LOC400499: variants seen among roughly 807,000 people sequenced by gnomAD.
At chr16:11,448,503 C>A in the LOC400499 span, among the ~76,000 whole-genome samples, 1 of 151,248 alleles carries the variant, frequency 6.6e-6, no homozygotes, top group Non-Finnish European at 1.5e-5. Flanking sequence ...ACAGCAATAC[C>A]TCGTGTCTGC....
the LOC400499 span, among the ~76,000 whole-genome samples, chr16:11,451,786 G>A: frequency 6.6e-6 from 1 of 152,158 alleles, no homozygotes; most frequent in South Asian, 2.1e-4. Flanking sequence ...TACTGTCTGG[G>A]GAAACTGAGG....
At chr16:11,495,135 G>A in the LOC400499 span, among the ~76,000 whole-genome samples, 1 of 151,964 alleles carries the variant, frequency 6.6e-6, no homozygotes, top group Non-Finnish European at 1.5e-5. Flanking sequence ...CTTGAACCCG[G>A]GAAGCAGAGG....
chr16:11,374,962 C>T, the LOC400499 span, among the ~76,000 whole-genome samples: 897 of 152,216 alleles, frequency 5.9e-3, 4 homozygotes, highest in Non-Finnish European at 8.6e-3. Flanking sequence ...GATCCTCATG[C>T]CTCAGCCTCC....
chr16:11,521,876 G>A, the LOC400499 span: 1 of 398,442 alleles, frequency 2.5e-6, no homozygotes, highest in African/African-American at 2.1e-5. Flanking sequence ...ATTGGAAATT[G>A]GAGGTAAGGG....
At chr16:11,386,213 G>C in the LOC400499 span, among the ~76,000 whole-genome samples, 2 of 152,180 alleles carry the variant, frequency 1.3e-5, no homozygotes, top group African/African-American at 2.4e-5. Context: ...AAGGAGGTCT[G>C]ACCAGTCTAG....
At chr16:11,498,431 G>C in the LOC400499 span, among the ~76,000 whole-genome samples, 1 of 152,112 alleles carries the variant, frequency 6.6e-6, no homozygotes, top group African/African-American at 2.4e-5. Flanking sequence ...GCAGTGAGCC[G>C]AGATTGCGCC....
the LOC400499 span, among the ~76,000 whole-genome samples, chr16:11,477,592 G>A: frequency 1.3e-5 from 2 of 152,234 alleles, no homozygotes; most frequent in Non-Finnish European, 2.9e-5. Context: ...CAGCCACCTC[G>A]TACTGCGGTG....
chr16:11,427,833 C>G, the LOC400499 span, among the ~76,000 whole-genome samples: 3 of 152,178 alleles, frequency 2.0e-5, no homozygotes, highest in East Asian at 5.8e-4. Context: ...ATTGTAAGCA[C>G]ATTTTGAGCT....
the LOC400499 span, among the ~76,000 whole-genome samples, chr16:11,442,971 G>A: frequency 6.6e-6 from 1 of 152,154 alleles, no homozygotes; most frequent in African/African-American, 2.4e-5. Flanking sequence ...AGAAAGGTGG[G>A]TCTCAATGCT....
At chr16:11,380,221 G>A in the LOC400499 span, among the ~76,000 whole-genome samples, 34 of 151,078 alleles carry the variant, frequency 2.3e-4, no homozygotes, top group Non-Finnish European at 4.1e-4. Flanking sequence ...TTTATATGTG[G>A]CCTCAAACTT....
the LOC400499 span, chr16:11,443,307 G>A: frequency 8.2e-6 from 3 of 364,468 alleles, no homozygotes; most frequent in East Asian, 1.8e-4. Flanking sequence ...CTGGGCAACA[G>A]AGCAAGACTC....
chr16:11,496,294 T>C, the LOC400499 span, among the ~76,000 whole-genome samples: 13 of 152,174 alleles, frequency 8.5e-5, no homozygotes, highest in Non-Finnish European at 1.6e-4. Context: ...CTCGAACTCC[T>C]GACCTCAGGT....
the LOC400499 span, among the ~76,000 whole-genome samples, chr16:11,457,863 G>T: frequency 0.42 from 63,645 of 151,960 alleles, 14,013 homozygotes; most frequent in Non-Finnish European, 0.5. Context: ...CACATGCTAC[G>T]ATATGGATGA....
chr16:11,407,236 G>C, the LOC400499 span: 32 of 399,008 alleles, frequency 8.0e-5, no homozygotes, highest in East Asian at 9.3e-4. Flanking sequence ...TGAAATTGTT[G>C]AGACCGGCCT....
the LOC400499 span, among the ~76,000 whole-genome samples, chr16:11,382,067 G>A: frequency 6.6e-6 from 1 of 151,904 alleles, no homozygotes; most frequent in Non-Finnish European, 1.5e-5. Context: ...CTTCATAGTT[G>A]CTGGGATTAC....
chr16:11,512,403 G>C, the LOC400499 span, among the ~76,000 whole-genome samples: 1 of 152,294 alleles, frequency 6.6e-6, no homozygotes, highest in South Asian at 2.1e-4. Flanking sequence ...AGGAGTTTGA[G>C]ACCAGCCTGG....
the LOC400499 span, chr16:11,417,609 G>C: frequency 2.8e-6 from 1 of 360,920 alleles, no homozygotes; most frequent in Non-Finnish European, 4.7e-6. Flanking sequence ...CCCCAGTCCC[G>C]GGCTGTGCGC....
the LOC400499 span, chr16:11,414,541 A>C: frequency 1.5e-5 from 6 of 399,458 alleles, no homozygotes; most frequent in African/African-American, 6.2e-5. Flanking sequence ...GCTACTGAAG[A>C]CAGCTTCACC....
chr16:11,526,313 G>A, the LOC400499 span, among the ~76,000 whole-genome samples: 16 of 152,312 alleles, frequency 1.1e-4, no homozygotes, highest in East Asian at 1.9e-3. Flanking sequence ...GCTCATGCCT[G>A]TAATCCCAGC....
Sources: allele counts gnomAD v4.1 joint callset (sites outside exome capture counted in the v4.1 genomes callset), GRCh38; gene constraint gnomAD v4.1.1; transcripts MANE v1.5.